The following NRSN1 variants were observed in gnomAD, a reference collection of about 807,000 sequenced individuals.
NRSN1 encodes neurensin-1.
NRSN1 carries 14 observed loss-of-function variants against 17.3 expected under a neutral mutation model. The observed-to-expected ratio is 0.81, with a 90% CI of 0.54 to 1.27. The LOEUF is 1.27. Among genes scored for constraint, NRSN1 ranks in the 50% most tolerant of loss-of-function variants. The pLI is 0.00. For synonymous variants in NRSN1, 79 were observed against 94.2 expected (o/e 0.84, Z 0.93); for missense variants, 209 against 235.9 (o/e 0.89, Z 0.75).
In NRSN1 at chr6:24,142,191, C is replaced by CTTTTTTTTTTTTTTTT. The variant is rs751168423; in HGVS notation, c.190-3349_190-3334dup. ...AGCACTTATGTCTTATACAGAACAG[C>CTTTTTTTTTTTTTTTT]TTTTTTTTTTTTTTTTTTTTTTTCA... On this transcript the variant is annotated intron_variant, in intron 3 of 3. Transcript: ENST00000378491. Among the ~76,000 whole-genome samples, 182 of 44,458 alleles carry CTTTTTTTTTTTTTTTT rather than the reference C, an allele frequency of 4.1e-3. 53 individuals carry two copies. Among genetic ancestry groups the CTTTTTTTTTTTTTTTT allele is most frequent in the Admixed American group, 6.2e-3 (14 of 2,244 alleles). 29.2% of individuals were successfully genotyped at this position (44,458 alleles called of 152,430 possible). A position where few individuals can be genotyped will look rare whatever the true frequency, so the allele number is the denominator to read the frequency against.
At position 24,145,559 on chromosome 6, in the gene NRSN1, C is replaced by A; in HGVS notation, c.201C>A (p.Ile67=). 2 of 1,590,818 alleles carry A rather than the reference C, an allele frequency of 1.3e-6. No homozygotes were observed. The highest frequency in any genetic ancestry group is 1.2e-5 in the South Asian group (1 of 86,700). The change falls in exon 4 of 4, where the codon ATC becomes ATA. Residue 67 remains isoleucine, a synonymous_variant. Transcript: ENST00000378491. The surrounding 1 kb of genome is among the most constrained non-coding windows in gnomAD (Gnocchi z 4.4). ...WSSVFWKVGL[I]SGTVFVILGL... is the part of the protein sequence containing the mutation. ...TTATCTACCTGTAGGTTGGACTCAT[C>A]TCAGGTACAGTTTTTGTGATCCTCG...
intron 3 of NRSN1, among the ~76,000 whole-genome samples, chr6:24,143,196 C>A (rs887430829): frequency 1.3e-5 from 2 of 152,176 alleles, no homozygotes; most frequent in African/African-American, 4.8e-5. Context: ...AGAAGCCCAG[C>A]CGGCTTCACC....
intron 2 of NRSN1, among the ~76,000 whole-genome samples, chr6:24,130,764 A>G (rs1760016464): frequency 6.6e-6 from 1 of 152,224 alleles, no homozygotes; most frequent in Non-Finnish European, 1.5e-5. Flanking sequence ...CAGTAAGGAT[A>G]TGGAAGGAGG....
At chr6:24,133,901 A>C (rs951042732) in intron 2 of NRSN1, among the ~76,000 whole-genome samples, 1 of 152,020 alleles carries the variant, frequency 6.6e-6, no homozygotes, top group African/African-American at 2.4e-5. Context: ...CAGTGGTGCG[A>C]TCTTGGCTCA....
At position 24,134,447 on chromosome 6, in the gene NRSN1, A is replaced by C. The variant is rs777347121; in HGVS notation, c.120A>C (p.Ser40=). The change falls in exon 3 of 4, where the codon TCA becomes TCC. Residue 40 remains serine (S), a synonymous_variant. Transcript: ENST00000378491. ...AGTTTTATGAGGACTGTACAGCCTC[A>C]ATTTGGGAGTATGAGGATGATTTCC... ...LHQFYEDCTA[S]IWEYEDDFQI... is the part of the protein sequence containing the mutation. The C allele has an allele frequency of 2.0e-5, 32 of 1,613,904 alleles. No individual in the cohort carries two copies. Among genetic ancestry groups the C allele is most frequent in the Non-Finnish European group, 2.5e-5 (29 of 1,179,934 alleles).
In NRSN1 at chr6:24,146,544, T is replaced by C. The variant is rs1296994830; in HGVS notation, c.*598T>C. ...TTTTCCCTTTGAGATGAAGTGCTGT[T>C]CTTTTGCCTAGGTTGGAGTACAGCG... is the stretch of plus-strand genomic sequence containing the variant. On this transcript the variant is annotated 3_prime_UTR_variant, in exon 4 of 4. Coordinates refer to ENST00000378491, the MANE Select transcript of NRSN1 (RefSeq NM_080723.5). 8.9e-6 allele frequency: 3 copies of C among 336,516 alleles called. No homozygotes were observed. The Admixed American group carries it at 1.3e-4, about 14-fold the overall frequency. The allele number at this position is 336,516 out of a possible 1,614,324, so 20.8% of individuals were successfully genotyped here.
chr6:24,135,484 G>A (rs1760103353), intron 3 of NRSN1, among the ~76,000 whole-genome samples: 1 of 152,144 alleles, frequency 6.6e-6, no homozygotes, highest in Non-Finnish European at 1.5e-5. Flanking sequence ...AAAATAACAA[G>A]GCACAGATGA....
chr6:24,126,649 TAG>T (rs1164816420), intron 1 of NRSN1, among the ~76,000 whole-genome samples: 2 of 152,174 alleles, frequency 1.3e-5, no homozygotes, highest in Non-Finnish European at 2.9e-5. Flanking sequence ...CTAAAAACTT[TAG>T]AGTTTCCTTT....
chr6:24,133,062 A>T (rs1157569793), intron 2 of NRSN1, among the ~76,000 whole-genome samples: 4 of 150,778 alleles, frequency 2.7e-5, no homozygotes, highest in Non-Finnish European at 6.0e-5. Flanking sequence ...TTTAACCATG[A>T]TTAGTAACAA....
intron 2 of NRSN1, among the ~76,000 whole-genome samples, chr6:24,133,042 C>A (rs543504060): frequency 1.3e-5 from 2 of 152,216 alleles, no homozygotes; most frequent in East Asian, 3.9e-4. Context: ...CTCAGTAATT[C>A]TTTCTTTTTT....
intron 3 of NRSN1, chr6:24,140,877 G>T: frequency 7.7e-7 from 1 of 1,291,158 alleles, no homozygotes; most frequent in Non-Finnish European, 9.9e-7. Context: ...CAGAATTTCT[G>T]GCATATAAAT....
At chr6:24,139,813 C>T (rs1760174351) in intron 3 of NRSN1, among the ~76,000 whole-genome samples, 1 of 152,174 alleles carries the variant, frequency 6.6e-6, no homozygotes, top group East Asian at 1.9e-4. Flanking sequence ...TCCCAGAGGA[C>T]TCAGGAGCCT....
At chr6:24,133,400 A>G in intron 2 of NRSN1, among the ~76,000 whole-genome samples, 1 of 152,260 alleles carries the variant, frequency 6.6e-6, no homozygotes, top group East Asian at 1.9e-4. Context: ...GCAGCTTTTT[A>G]ATAAAGCTTC....
At chr6:24,131,420 C>A (rs1297180362) in intron 2 of NRSN1, among the ~76,000 whole-genome samples, 1 of 152,088 alleles carries the variant, frequency 6.6e-6, no homozygotes, top group East Asian at 1.9e-4. Flanking sequence ...CCTATCATAT[C>A]TATTTTTGTC....
chr6:24,142,191 C>CTTTTTTTTT lies in NRSN1; in HGVS notation c.190-3342_190-3334dup, dbSNP rs751168423. ...AGCACTTATGTCTTATACAGAACAG[C>CTTTTTTTTT]TTTTTTTTTTTTTTTTTTTTTTTCA... On this transcript the variant is annotated intron_variant, in intron 3 of 3. Coordinates refer to ENST00000378491, the MANE Select transcript of NRSN1 (RefSeq NM_080723.5). Among the ~76,000 whole-genome samples, 431 of 44,454 alleles carry CTTTTTTTTT rather than the reference C, an allele frequency of 9.7e-3. 117 individuals are homozygous for CTTTTTTTTT. Among genetic ancestry groups the CTTTTTTTTT allele is most frequent in the East Asian group, 0.039 (58 of 1,494 alleles). The allele number at this position is 44,454 out of a possible 152,430, so 29.2% of individuals were successfully genotyped here.
At chr6:24,130,806 A>G (rs770268925) in intron 2 of NRSN1, among the ~76,000 whole-genome samples, 16 of 152,214 alleles carry the variant, frequency 1.1e-4, no homozygotes, top group Non-Finnish European at 1.9e-4. Context: ...TGTTCGTTCA[A>G]TAAAAAAATG....
intron 2 of NRSN1, among the ~76,000 whole-genome samples, 189 bp downstream of exon 2, chr6:24,128,389 C>T (rs1759982057): frequency 4.6e-5 from 7 of 152,072 alleles, no homozygotes; most frequent in Admixed American, 4.6e-4. Flanking sequence ...CATTGTTACT[C>T]CTTTTTAAAA....
In NRSN1 at chr6:24,146,671, C is replaced by G. The variant is rs1760311595; in HGVS notation, c.*725C>G. On this transcript the variant is annotated 3_prime_UTR_variant, in exon 4 of 4. Coordinates refer to ENST00000378491, the MANE Select transcript of NRSN1 (RefSeq NM_080723.5). ...GACTACAGGCACCTGCCACCACCCC[C>G]AGTTAATATTTTTTTTAATTTTTTT... 1 of 152,952 alleles carries G rather than the reference C, an allele frequency of 6.5e-6. No individual in the cohort carries two copies. The highest frequency in any genetic ancestry group is 1.5e-5 in the Non-Finnish European group (1 of 68,898). The allele number at this position is 152,952 out of a possible 1,614,324, so 9.5% of individuals were successfully genotyped here.
At position 24,134,303 on chromosome 6, in the gene NRSN1, G is replaced by T; in HGVS notation, c.-9-16G>T. ...AAAGCCTGTGGCATTAATCCATGTG[G>T]ATGTTGTCATTCCAGCTGGGAAGGA... On this transcript the variant is annotated splice_polypyrimidine_tract_variant and intron_variant, in intron 2 of 3. Coordinates refer to ENST00000378491, the MANE Select transcript of NRSN1 (RefSeq NM_080723.5). The T allele has an allele frequency of 6.2e-7, 1 of 1,609,074 alleles. No individual in the cohort carries two copies. The highest frequency in any genetic ancestry group is 8.5e-7 in the Non-Finnish European group (1 of 1,176,742).
Sources: gnomAD v4.1 joint callset for allele counts (sites outside exome capture counted in the v4.1 genomes callset) on GRCh38, gnomAD v4.1.1 for gene constraint, Gnocchi (gnomAD v3.1) non-coding constraint, MANE v1.5 for transcripts, NCBI Gene and HGNC (gene_info 2026-07-23, HGNC 2026-07-21) for gene names.